SLC25A53: variants seen among roughly 807,000 people sequenced by gnomAD.
The protein encoded by SLC25A53 is solute carrier family 25 member 53.
Under a neutral mutation model 15.0 loss-of-function variants are expected in SLC25A53, and 5 were observed. The ratio of observed to expected loss-of-function variants is 0.33; its 90% confidence interval spans 0.17 to 0.70. The LOEUF (loss-of-function observed/expected upper bound fraction) is 0.70, where lower values mean the gene tolerates loss of function less well. Among genes scored for constraint, SLC25A53 ranks in the 30% least tolerant of loss-of-function variants. SLC25A53 has a pLI of 0.67. For synonymous variants in SLC25A53, 95 were observed against 100.0 expected (o/e 0.95, Z 0.30); for missense variants, 216 against 241.6 (o/e 0.89, Z 0.70).
At chrX:104,114,812 G>A (rs1556360700) in intron 1 of SLC25A53, 6 of 1,210,966 alleles carry the variant, frequency 5.0e-6, no homozygotes, top group Non-Finnish European at 6.7e-6. Context: ...CGGCCGAAAA[G>A]GTCTGAGCCA....
chrX:104,099,741 G>A lies in SLC25A53; in HGVS notation c.*4593C>T, dbSNP rs1556351782. On this transcript the variant is annotated 3_prime_UTR_variant, in exon 2 of 2. Transcript: ENST00000594199. The stretch of plus-strand genomic sequence containing the variant: ...GGGGGCTACACCTAAGATGGAGGGA[G>A]CGGTGTCATCAGTGGTGGGGGGAGA... The A allele has an allele frequency of 1.8e-5, 2 of 111,960 alleles. No individual in the cohort carries two copies. Among genetic ancestry groups the A allele is most frequent in the East Asian group, 5.6e-4 (2 of 3,587 alleles). 9.2% of individuals were successfully genotyped at this position (111,960 alleles called of 1,213,427 possible).
At chrX:104,156,055 CAAA>C (rs11323988) in intron 1 of SLC25A53, among the ~76,000 whole-genome samples, 1 of 34,189 alleles carries the variant, frequency 2.9e-5, no homozygotes, top group African/African-American at 7.5e-5. Context: ...GACTCCTTAT[CAAA>C]AAAAAAAAAA....
chrX:104,108,404 C>T (rs1313004210), intron 1 of SLC25A53, among the ~76,000 whole-genome samples: 51 of 111,444 alleles, frequency 4.6e-4, no homozygotes, highest in African/African-American at 1.6e-3. Context: ...AAAAAAGATG[C>T]TTCTGGACTT....
At chrX:104,121,916 T>G (rs1199031046) in intron 1 of SLC25A53, among the ~76,000 whole-genome samples, 1 of 44,277 alleles carries the variant, frequency 2.3e-5, no homozygotes, top group African/African-American at 8.4e-5. Context: ...TATATATATA[T>G]ATATATATAT....
chrX:104,125,722 T>A, intron 1 of SLC25A53, among the ~76,000 whole-genome samples: 1 of 111,495 alleles, frequency 9.0e-6, no homozygotes, highest in Middle Eastern at 4.6e-3. Flanking sequence ...ATCTTTACAA[T>A]GACCTTAAGA....
At chrX:104,149,258 GTAA>G (rs1239703799) in intron 1 of SLC25A53, among the ~76,000 whole-genome samples, 1 of 112,273 alleles carries the variant, frequency 8.9e-6, no homozygotes, top group Non-Finnish European at 1.9e-5. Context: ...CTATTGCTTC[GTAA>G]TAAACCAATC....
chrX:104,117,311 A>G (rs2075380692), intron 1 of SLC25A53, among the ~76,000 whole-genome samples: 1 of 100,749 alleles, frequency 9.9e-6, no homozygotes, highest in Admixed American at 1.1e-4. Flanking sequence ...CTTTACCACC[A>G]CTCCCCTTCC....
At chrX:104,146,702 A>T (rs1390761473) in intron 1 of SLC25A53, among the ~76,000 whole-genome samples, 1 of 110,662 alleles carries the variant, frequency 9.0e-6, no homozygotes, top group Admixed American at 9.6e-5. Context: ...CCCATTCACA[A>T]TTGCTTCAAA....
intron 1 of SLC25A53, among the ~76,000 whole-genome samples, chrX:104,124,215 C>T (rs1308920343): frequency 8.9e-6 from 1 of 111,801 alleles, no homozygotes; most frequent in African/African-American, 3.3e-5. Flanking sequence ...CACAGCCTCG[C>T]CAGCATGTGT....
At chrX:104,107,463 C>T (rs2075317653) in intron 1 of SLC25A53, among the ~76,000 whole-genome samples, 1 of 112,233 alleles carries the variant, frequency 8.9e-6, no homozygotes, top group Non-Finnish European at 1.9e-5. Flanking sequence ...CCCTGGAAGC[C>T]CCACTTCCAT....
chrX:104,106,189 A>G (rs782423959), intron 1 of SLC25A53, among the ~76,000 whole-genome samples: 2 of 111,005 alleles, frequency 1.8e-5, no homozygotes, highest in East Asian at 5.7e-4. Flanking sequence ...TAGATAGAAT[A>G]GGCAGTGCAA....
At chrX:104,131,860 C>T (rs1379469726) in intron 1 of SLC25A53, among the ~76,000 whole-genome samples, 6 of 111,725 alleles carry the variant, frequency 5.4e-5, no homozygotes, top group Non-Finnish European at 9.4e-5. Flanking sequence ...AGATGTCCAG[C>T]GGGTACTTCA....
At chrX:104,118,809 G>C (rs369865707) in intron 1 of SLC25A53, among the ~76,000 whole-genome samples, 4 of 112,324 alleles carry the variant, frequency 3.6e-5, no homozygotes, top group African/African-American at 1.3e-4. Context: ...TGATACATGA[G>C]GAAAGCAAGG....
intron 1 of SLC25A53, among the ~76,000 whole-genome samples, chrX:104,131,876 C>T (rs373126680): frequency 5.6e-4 from 63 of 111,716 alleles, no homozygotes; most frequent in African/African-American, 1.9e-3. Flanking sequence ...CTTCAAACAG[C>T]CAAAGCTTAA....
chrX:104,149,288 A>G (rs782448569), intron 1 of SLC25A53, among the ~76,000 whole-genome samples: 1 of 112,870 alleles, frequency 8.9e-6, no homozygotes, highest in Non-Finnish European at 1.9e-5. Flanking sequence ...TAGTGGCATT[A>G]AACAACCATT....
At chrX:104,106,048 C>T (rs1367652016) in intron 1 of SLC25A53, among the ~76,000 whole-genome samples, 1 of 111,763 alleles carries the variant, frequency 8.9e-6, no homozygotes, top group Non-Finnish European at 1.9e-5. Flanking sequence ...TTCAGAGGCT[C>T]CCTGGCTTCG....
At chrX:104,124,903 C>T (rs1227422572) in intron 1 of SLC25A53, among the ~76,000 whole-genome samples, 3 of 84,655 alleles carry the variant, frequency 3.5e-5, no homozygotes, top group African/African-American at 9.3e-5. Flanking sequence ...AGTGCAATGG[C>T]GTGATCTTGG....
At chrX:104,127,509 T>C (rs1391149152) in intron 1 of SLC25A53, among the ~76,000 whole-genome samples, 2 of 112,216 alleles carry the variant, frequency 1.8e-5, no homozygotes, top group Non-Finnish European at 3.8e-5. Context: ...ATTAGGTCTA[T>C]ATTCTAGTTA....
intron 1 of SLC25A53, among the ~76,000 whole-genome samples, chrX:104,135,463 G>A (rs1453043266): frequency 9.0e-6 from 1 of 110,505 alleles, no homozygotes; most frequent in Non-Finnish European, 1.9e-5. Context: ...CCTGTTGCTG[G>A]CACCACCATC....
Sources: allele counts gnomAD v4.1 joint callset (sites outside exome capture counted in the v4.1 genomes callset), GRCh38; gene constraint gnomAD v4.1.1; transcripts MANE v1.5; gene names NCBI Gene and HGNC (gene_info 2026-07-23, HGNC 2026-07-21).